The following CPO variants were observed in gnomAD, a reference collection of about 807,000 sequenced individuals.
The protein encoded by CPO is carboxypeptidase O.
A neutral mutation model predicts 41.2 loss-of-function variants in CPO; 43 were observed. The ratio of observed to expected loss-of-function variants is 1.04; its 90% confidence interval spans 0.82 to 1.35. The LOEUF is 1.35. Ranked by LOEUF, CPO falls within the 40% of genes most tolerant of loss-of-function variation. The probability of loss-of-function intolerance (pLI) is 0.00; values close to 1 mark genes in which losing one functional copy is unlikely to be tolerated. For missense variants in CPO, 408 were observed against 451.7 expected (o/e 0.90, Z 0.88); for synonymous variants, 178 against 162.7 (o/e 1.09, Z -0.72).
chr2:206,948,702 A>G (rs1693194371), intron 1 of CPO, among the ~76,000 whole-genome samples: 1 of 152,210 alleles, frequency 6.6e-6, no homozygotes, highest in Non-Finnish European at 1.5e-5. Context: ...CCAAGGCTGC[A>G]GTGAGCTATA....
chr2:206,944,731 C>A (rs1693110826), intron 1 of CPO, among the ~76,000 whole-genome samples: 1 of 151,694 alleles, frequency 6.6e-6, no homozygotes, highest in African/African-American at 2.4e-5. Context: ...ATATTACTAA[C>A]AATTAATAAT....
intron 1 of CPO, among the ~76,000 whole-genome samples, chr2:206,946,216 A>G (rs1192194512): frequency 1.3e-5 from 2 of 152,158 alleles, no homozygotes; most frequent in African/African-American, 4.8e-5. Context: ...ATGAACACAG[A>G]TAGAAAAATC....
intron 2 of CPO, among the ~76,000 whole-genome samples, chr2:206,951,298 TTAAGA>T (rs926299034): frequency 1.3e-5 from 2 of 152,234 alleles, no homozygotes; most frequent in African/African-American, 2.4e-5. Context: ...TGTATTGCTA[TTAAGA>T]TAAGTTTGGT....
At chr2:206,963,902 T>G (rs1408788611) in intron 7 of CPO, among the ~76,000 whole-genome samples, 4 of 152,250 alleles carry the variant, frequency 2.6e-5, no homozygotes, top group African/African-American at 9.6e-5. Context: ...TTTAATTTTT[T>G]GGGGAACCAC....
intron 1 of CPO, among the ~76,000 whole-genome samples, chr2:206,948,688 G>A (rs1462495345): frequency 6.6e-6 from 1 of 152,166 alleles, no homozygotes; most frequent in Admixed American, 6.5e-5. Context: ...TCTGAGCCCA[G>A]AGCCCAAGGC....
chr2:206,951,001 G>A (rs1306887502), intron 2 of CPO, among the ~76,000 whole-genome samples: 1 of 151,854 alleles, frequency 6.6e-6, no homozygotes, highest in Non-Finnish European at 1.5e-5. Flanking sequence ...GATGGGTGAA[G>A]CAAACGAACA....
intron 8 of CPO, 80 bp from the exon 9 acceptor site, chr2:206,969,094 C>CT (rs1693635483): frequency 7.2e-7 from 1 of 1,397,496 alleles, no homozygotes; most frequent in Admixed American, 1.8e-5. Flanking sequence ...CTAAGTGAAC[C>CT]TTTAGTTCCT....
intron 7 of CPO, among the ~76,000 whole-genome samples, chr2:206,963,909 C>T (rs1305814307): frequency 6.6e-6 from 1 of 152,144 alleles, no homozygotes; most frequent in Non-Finnish European, 1.5e-5. Flanking sequence ...TTTTGGGGAA[C>T]CACCATACTG....
chr2:206,945,706 T>C (rs1467305634), intron 1 of CPO, among the ~76,000 whole-genome samples: 1 of 152,206 alleles, frequency 6.6e-6, no homozygotes, highest in Non-Finnish European at 1.5e-5. Flanking sequence ...AGTAGCTTTA[T>C]TAAGCTGTTT....
chr2:206,955,216 C>G (rs1693335328), intron 2 of CPO, among the ~76,000 whole-genome samples: 1 of 152,158 alleles, frequency 6.6e-6, no homozygotes, highest in African/African-American at 2.4e-5. Flanking sequence ...GTGGGTTATT[C>G]AAACTGTTAA....
At chr2:206,965,468 A>C (rs1476569615) in intron 7 of CPO, among the ~76,000 whole-genome samples, 1 of 152,248 alleles carries the variant, frequency 6.6e-6, no homozygotes, top group East Asian at 1.9e-4. Flanking sequence ...ATTATACTAC[A>C]TGATAGACAG....
chr2:206,966,050 A>C (rs999978857), intron 7 of CPO, among the ~76,000 whole-genome samples: 5 of 152,194 alleles, frequency 3.3e-5, no homozygotes, highest in Non-Finnish European at 5.9e-5. Context: ...CTGCTTCCGC[A>C]TAGTAATTCC....
At position 206,962,623 on chromosome 2, in the gene CPO, A is replaced by G; in HGVS notation, c.777+9A>G. The G allele has an allele frequency of 1.9e-6, 3 of 1,610,328 alleles. No individual in the cohort carries two copies. The highest frequency in any genetic ancestry group is 1.1e-5 in the South Asian group (1 of 90,974). On this transcript the variant is annotated intron_variant, in intron 7 of 8. Transcript: ENST00000272852. ...GTAACCACCCAGAAATGGTGAGTCCATAGCACCAAGGCCTCCAGAAAAACC... is the reference window on the plus strand; with the variant it reads ...GTAACCACCCAGAAATGGTGAGTCCGTAGCACCAAGGCCTCCAGAAAAACC...
intron 1 of CPO, among the ~76,000 whole-genome samples, chr2:206,943,508 G>A (rs924216413): frequency 6.6e-6 from 1 of 151,578 alleles, no homozygotes; most frequent in African/African-American, 2.4e-5. Flanking sequence ...CAATTTGGAC[G>A]ATTTTTTAGC....
At chr2:206,944,373 C>A (rs1441318340) in intron 1 of CPO, among the ~76,000 whole-genome samples, 2 of 151,642 alleles carry the variant, frequency 1.3e-5, no homozygotes. Flanking sequence ...AGCAAGCAGC[C>A]TCAACATATT....
At position 206,948,445 on chromosome 2, in the gene CPO, G is replaced by A. The variant is rs375907899; in HGVS notation, c.69-1172G>A. 9.8e-5 allele frequency among the ~76,000 whole-genome samples: 15 copies of A among 152,308 alleles called. No individual in the cohort carries two copies. In the South Asian group the frequency reaches 1.7e-3, roughly 17 times the overall value. ...AGGGAAAGGGAGGGATAAATTGGAAGAATGCAGAGGATTTCTAAGGCATTA... is the reference window on the plus strand; with the variant it reads ...AGGGAAAGGGAGGGATAAATTGGAAAAATGCAGAGGATTTCTAAGGCATTA... On this transcript the variant is annotated intron_variant, in intron 1 of 8. Coordinates refer to ENST00000272852, the MANE Select transcript of CPO (RefSeq NM_173077.3).
At chr2:206,956,397 C>T (rs968498558) in intron 3 of CPO, among the ~76,000 whole-genome samples, 3 of 144,736 alleles carry the variant, frequency 2.1e-5, no homozygotes, top group African/African-American at 5.1e-5. Context: ...AAGGGCAGCA[C>T]TTAAATCATC....
At chr2:206,945,516 G>A (rs1262806754) in intron 1 of CPO, among the ~76,000 whole-genome samples, 1 of 152,172 alleles carries the variant, frequency 6.6e-6, no homozygotes, top group African/African-American at 2.4e-5. Flanking sequence ...AATATTCGCT[G>A]TATGACTTAC....
chr2:206,953,138 C>T (rs2105823442), intron 2 of CPO, among the ~76,000 whole-genome samples: 1 of 152,286 alleles, frequency 6.6e-6, no homozygotes, highest in East Asian at 1.9e-4. Context: ...ACCGCTGGCC[C>T]TTCCCAAATC....
Sources: gnomAD v4.1 joint callset for allele counts (sites outside exome capture counted in the v4.1 genomes callset) on GRCh38, gnomAD v4.1.1 for gene constraint, MANE v1.5 for transcripts, NCBI Gene and HGNC (gene_info 2026-07-23, HGNC 2026-07-21) for gene names.